OPCML: variants seen among roughly 807,000 people sequenced by gnomAD.
OPCML encodes opioid-binding protein/cell adhesion molecule.
In OPCML, 13 loss-of-function variants were observed where a neutral mutation model predicts 37.8. The observed-to-expected ratio is 0.34, with a 90% CI of 0.22 to 0.55. The LOEUF is 0.55. Among genes scored for constraint, OPCML ranks in the 20% least tolerant of loss-of-function variants. OPCML has a pLI of 0.91. For synonymous variants in OPCML, 176 were observed against 168.8 expected, an observed-to-expected ratio of 1.04 and a Z score of -0.33; for missense variants, 341 against 435.6, an observed-to-expected ratio of 0.78 and a Z score of 1.93.
chr11:132,923,669 T>C (rs556374997), intron 2 of OPCML, among the ~76,000 whole-genome samples: 2 of 151,770 alleles, frequency 1.3e-5, no homozygotes, highest in African/African-American at 2.4e-5. Flanking sequence ...GGGAAGAAGA[T>C]AGGGCTAACA....
intron 3 of OPCML, among the ~76,000 whole-genome samples, chr11:132,576,819 G>T (rs2096452088): frequency 6.6e-6 from 1 of 152,084 alleles, no homozygotes; most frequent in Non-Finnish European, 1.5e-5. Context: ...CTAGGGAAAA[G>T]CAGACAGCTG....
intron 1 of OPCML, among the ~76,000 whole-genome samples, chr11:133,248,994 A>G (rs7107209): frequency 0.3 from 46,048 of 152,092 alleles, 8,149 homozygotes; most frequent in East Asian, 0.83. Flanking sequence ...CTCATGATCC[A>G]ACACTCTAGA....
intron 2 of OPCML, among the ~76,000 whole-genome samples, chr11:132,662,130 T>C (rs1942000510): frequency 6.6e-6 from 1 of 152,074 alleles, no homozygotes; most frequent in Non-Finnish European, 1.5e-5. Context: ...CTTAAAGCAG[T>C]GGTTTTCAAC....
At chr11:133,264,851 T>G (rs1592151105) in intron 1 of OPCML, among the ~76,000 whole-genome samples, 1 of 152,254 alleles carries the variant, frequency 6.6e-6, no homozygotes, top group Admixed American at 6.5e-5. Context: ...TTAAATAAAC[T>G]AAGTACTTTC....
chr11:133,328,209 G>A (rs1016618434), intron 1 of OPCML, among the ~76,000 whole-genome samples: 4 of 150,108 alleles, frequency 2.7e-5, no homozygotes, highest in East Asian at 2.0e-4. Context: ...CCAGGCTGGA[G>A]TGCAGTGACA....
Position 133,388,187 on chromosome 11 carries a change from C to A in OPCML, c.61+144077G>T, listed in dbSNP as rs113137905. 4.4e-3 allele frequency among the ~76,000 whole-genome samples: 667 copies of A among 152,284 alleles called. 1 individual carries two copies. The highest frequency in any genetic ancestry group is 7.7e-3 in the Non-Finnish European group (521 of 68,030). On this transcript the variant is annotated intron_variant, in intron 1 of 7. Coordinates refer to ENST00000524381, the MANE Select transcript of OPCML (RefSeq NM_001012393.5). ...CATAGAAAATGTCTAATAATAATAA[C>A]CATCATTATCATATTAATAACTATA...
chr11:133,318,923 A>C (rs1189509904), intron 1 of OPCML, among the ~76,000 whole-genome samples: 1 of 152,098 alleles, frequency 6.6e-6, no homozygotes, highest in Non-Finnish European at 1.5e-5. Context: ...GCTACTCGGG[A>C]GGCTGAGGCA....
chr11:133,340,932 C>T (rs545338750), intron 1 of OPCML, among the ~76,000 whole-genome samples: 1 of 152,330 alleles, frequency 6.6e-6, no homozygotes, highest in South Asian at 2.1e-4. Context: ...TTGCCTGTCT[C>T]TGTTGAATAC....
intron 2 of OPCML, among the ~76,000 whole-genome samples, chr11:132,908,935 C>G (rs1944333443): frequency 6.6e-6 from 1 of 152,220 alleles, no homozygotes; most frequent in African/African-American, 2.4e-5. Context: ...CCAACCACAG[C>G]AGCTCCCTGC....
rs568926536 is a variant in OPCML, at chr11:133,272,846, C to T, written c.61+259418G>A. ...TCCAAGCACAAAGGAATGATCCAGA[C>T]CCGGAGAAGCCAAGTTTCTACGAAG... On this transcript the variant is annotated intron_variant, in intron 1 of 7. Coordinates refer to ENST00000524381, the MANE Select transcript of OPCML (RefSeq NM_001012393.5). Among the ~76,000 whole-genome samples, 7 of 152,318 alleles carry T rather than the reference C, an allele frequency of 4.6e-5. 2 individuals carry two copies. Among genetic ancestry groups the T allele is most frequent in the African/African-American group, 1.7e-4 (7 of 41,564 alleles).
Position 133,520,043 on chromosome 11 carries a change from A to G in OPCML, c.61+12221T>C, listed in dbSNP as rs547163674. On this transcript the variant is annotated intron_variant, in intron 1 of 7. Coordinates refer to ENST00000524381, the MANE Select transcript of OPCML (RefSeq NM_001012393.5). Reference sequence around the variant, plus strand: ...GAATATTAAGACATAATGAAGAATGAATTTTCTAGTCCCAAAGGAGGGTTA... The same window carrying G: ...GAATATTAAGACATAATGAAGAATGGATTTTCTAGTCCCAAAGGAGGGTTA... Among the ~76,000 whole-genome samples, 4 of 152,170 alleles carry G rather than the reference A, an allele frequency of 2.6e-5. No individual in the cohort carries two copies. The East Asian group carries it at 7.8e-4, about 30-fold the overall frequency.
chr11:132,882,183 C>T (rs906611129), intron 2 of OPCML, among the ~76,000 whole-genome samples: 2 of 152,176 alleles, frequency 1.3e-5, no homozygotes, highest in Non-Finnish European at 2.9e-5. Flanking sequence ...TGTACATTTT[C>T]TGTTCTAACA....
chr11:132,762,089 T>C (rs1323434338), intron 2 of OPCML, among the ~76,000 whole-genome samples: 1 of 152,132 alleles, frequency 6.6e-6, no homozygotes, highest in Non-Finnish European at 1.5e-5. Context: ...TCTGCTGGAG[T>C]TTGCTGGAGG....
chr11:132,959,327 A>T (rs1946037450), intron 1 of OPCML, among the ~76,000 whole-genome samples: 1 of 152,244 alleles, frequency 6.6e-6, no homozygotes, highest in Non-Finnish European at 1.5e-5. Flanking sequence ...CTCTTGGATG[A>T]GCAAAGGAAG....
At chr11:133,307,773 A>G (rs2136583939) in intron 1 of OPCML, among the ~76,000 whole-genome samples, 1 of 152,304 alleles carries the variant, frequency 6.6e-6, no homozygotes, top group Middle Eastern at 3.4e-3. Context: ...GAAGTTTAAC[A>G]AAGATGACCT....
At chr11:132,482,539 A>T (rs1244994478) in intron 4 of OPCML, among the ~76,000 whole-genome samples, 1 of 152,244 alleles carries the variant, frequency 6.6e-6, no homozygotes, top group Non-Finnish European at 1.5e-5. Flanking sequence ...TAATCAATAG[A>T]AAAAGAGGGA....
intron 1 of OPCML, among the ~76,000 whole-genome samples, chr11:133,431,569 G>C (rs1946116503): frequency 6.6e-6 from 1 of 152,002 alleles, no homozygotes; most frequent in East Asian, 1.9e-4. Flanking sequence ...GGGTTCAAGA[G>C]ATTCTCCTCC....
chr11:132,991,072 T>G (rs954701046), intron 1 of OPCML, among the ~76,000 whole-genome samples: 1 of 152,212 alleles, frequency 6.6e-6, no homozygotes, highest in Non-Finnish European at 1.5e-5. Flanking sequence ...TTCTCTGACA[T>G]GTACTGCCCA....
intron 1 of OPCML, among the ~76,000 whole-genome samples, chr11:133,491,487 A>T (rs1565664460): frequency 2.0e-5 from 3 of 152,144 alleles, no homozygotes; most frequent in Non-Finnish European, 4.4e-5. Flanking sequence ...CCTGCTCATA[A>T]ACAATATTTC....
Sources: gnomAD v4.1 joint callset for allele counts (sites outside exome capture counted in the v4.1 genomes callset) on GRCh38, gnomAD v4.1.1 for gene constraint, MANE v1.5 for transcripts, NCBI Gene and HGNC (gene_info 2026-07-23, HGNC 2026-07-21) for gene names.